The following EXOC6B variants were observed in gnomAD, a reference collection of about 807,000 sequenced individuals.
The protein encoded by EXOC6B is SEC15 homolog B.
A neutral mutation model predicts 113.5 loss-of-function variants in EXOC6B; 54 were observed. That is an observed-to-expected ratio of 0.48 (90% CI 0.38 to 0.60). The LOEUF is 0.60. Ranked by LOEUF, EXOC6B falls within the 20% of genes least tolerant of loss-of-function variation. The probability of loss-of-function intolerance (pLI) is 0.00; values close to 1 mark genes in which losing one functional copy is unlikely to be tolerated. For synonymous variants in EXOC6B, 357 were observed against 339.0 expected (o/e 1.05, Z -0.58); for missense variants, 797 against 977.5 (o/e 0.82, Z 2.46).
intron 20 of EXOC6B, among the ~76,000 whole-genome samples, chr2:72,262,929 AC>A (rs2104589540): frequency 6.6e-6 from 1 of 152,336 alleles, no homozygotes; most frequent in South Asian, 2.1e-4. Context: ...TAGACAATAA[AC>A]AAGCCACACT....
intron 17 of EXOC6B, among the ~76,000 whole-genome samples, chr2:72,473,624 T>C (rs1292968155): frequency 6.6e-6 from 1 of 152,106 alleles, no homozygotes; most frequent in African/African-American, 2.4e-5. Context: ...TTTTCATCCA[T>C]TCAACCAGTC....
At chr2:72,390,477 T>C (rs1018635864) in intron 18 of EXOC6B, among the ~76,000 whole-genome samples, 1 of 152,222 alleles carries the variant, frequency 6.6e-6, no homozygotes, top group Admixed American at 6.5e-5. Flanking sequence ...AATTTTTTAT[T>C]GAATACTGGA....
At chr2:72,806,715 A>T (rs1476277899) in intron 1 of EXOC6B, among the ~76,000 whole-genome samples, 1 of 143,378 alleles carries the variant, frequency 7.0e-6, no homozygotes, top group Non-Finnish European at 1.5e-5. Flanking sequence ...ACTTTTTAAT[A>T]ACAGCCAATC....
intron 19 of EXOC6B, among the ~76,000 whole-genome samples, chr2:72,373,518 A>G (rs1021795915): frequency 6.6e-6 from 1 of 152,244 alleles, no homozygotes; most frequent in Non-Finnish European, 1.5e-5. Context: ...CATACTATCC[A>G]TCTGGGAATT....
At chr2:72,432,817 T>C (rs1190976335) in intron 18 of EXOC6B, among the ~76,000 whole-genome samples, 1 of 152,208 alleles carries the variant, frequency 6.6e-6, no homozygotes, top group Non-Finnish European at 1.5e-5. Flanking sequence ...TAGCCCTTTG[T>C]CAGACGGATA....
At chr2:72,536,433 T>G (rs1184165161) in intron 8 of EXOC6B, among the ~76,000 whole-genome samples, 5 of 152,364 alleles carry the variant, frequency 3.3e-5, no homozygotes, top group Non-Finnish European at 7.3e-5. Flanking sequence ...TATAATTGTT[T>G]GCTATATGTT....
At chr2:72,601,294 T>G (rs1670424702) in intron 6 of EXOC6B, among the ~76,000 whole-genome samples, 1 of 152,066 alleles carries the variant, frequency 6.6e-6, no homozygotes, top group Admixed American at 6.6e-5. Context: ...ACCATTCTCC[T>G]GCCTCAGCCT....
chr2:72,296,792 G>GT (rs202147187), intron 20 of EXOC6B, among the ~76,000 whole-genome samples: 1 of 152,096 alleles, frequency 6.6e-6, no homozygotes. Context: ...ATGGTTTTCT[G>GT]TTTTTTTCCT....
chr2:72,502,827 C>G lies in EXOC6B; in HGVS notation c.1168-2855G>C, dbSNP rs186509258. ...TTTCTAAATCTCTATTAGATACAACCAAAAGTCTACACCAACTATTCTTGT... is the reference window on the plus strand; with the variant it reads ...TTTCTAAATCTCTATTAGATACAACGAAAAGTCTACACCAACTATTCTTGT... On this transcript the variant is annotated intron_variant, in intron 11 of 21. Transcript: ENST00000272427. 2.0e-4 allele frequency among the ~76,000 whole-genome samples: 31 copies of G among 152,198 alleles called. 1 individual carries two copies. The highest frequency in any genetic ancestry group is 3.4e-3 in the Middle Eastern group (1 of 294).
At chr2:72,316,822 G>A (rs80054052) in intron 20 of EXOC6B, among the ~76,000 whole-genome samples, 1 of 152,160 alleles carries the variant, frequency 6.6e-6, no homozygotes, top group Non-Finnish European at 1.5e-5. Flanking sequence ...GGACCCAAAG[G>A]GGGGACAATT....
At chr2:72,197,031 G>T (rs1037071075) in intron 20 of EXOC6B, among the ~76,000 whole-genome samples, 2 of 152,144 alleles carry the variant, frequency 1.3e-5, no homozygotes, top group African/African-American at 4.8e-5. Context: ...AAACAGAAGA[G>T]AATGAAGGGA....
chr2:72,673,354 A>C (rs1040192139), intron 6 of EXOC6B, among the ~76,000 whole-genome samples: 1 of 152,220 alleles, frequency 6.6e-6, no homozygotes, highest in African/African-American at 2.4e-5. Context: ...TATGATTGAC[A>C]ATAACCTGCC....
At position 72,416,496 on chromosome 2, in the gene EXOC6B, GA is replaced by G. The variant is rs1303510603; in HGVS notation, c.1981-36627del. 1.1e-4 allele frequency among the ~76,000 whole-genome samples: 17 copies of G among 152,316 alleles called. No homozygotes were observed. The Middle Eastern group carries it at 0.01, about 91-fold the overall frequency. On this transcript the variant is annotated intron_variant, in intron 18 of 21. Coordinates refer to ENST00000272427, the MANE Select transcript of EXOC6B (RefSeq NM_015189.3). ...CTTGCACATATCTCCAAATTGGAAAGAGGACAAATGGGAAACACAGCAGCCA... is the reference window on the plus strand; with the variant it reads ...CTTGCACATATCTCCAAATTGGAAAGGGACAAATGGGAAACACAGCAGCCA...
At chr2:72,480,217 T>C (rs998687405) in intron 17 of EXOC6B, among the ~76,000 whole-genome samples, 2 of 151,046 alleles carry the variant, frequency 1.3e-5, no homozygotes, top group Non-Finnish European at 3.0e-5. Context: ...AAAAAAAAAA[T>C]TGGTCACAGG....
At chr2:72,454,146 C>T (rs546272090) in intron 18 of EXOC6B, among the ~76,000 whole-genome samples, 1 of 152,112 alleles carries the variant, frequency 6.6e-6, no homozygotes, top group East Asian at 1.9e-4. Context: ...AGAGCCAAAC[C>T]ATATCAGGTA....
At chr2:72,357,480 C>T (rs1302975660) in intron 19 of EXOC6B, among the ~76,000 whole-genome samples, 1 of 152,000 alleles carries the variant, frequency 6.6e-6, no homozygotes, top group African/African-American at 2.4e-5. Context: ...CATTTGAGGC[C>T]AGGAGTTTGA....
intron 6 of EXOC6B, among the ~76,000 whole-genome samples, chr2:72,690,692 T>C (rs1470570359): frequency 6.6e-6 from 1 of 152,194 alleles, no homozygotes; most frequent in African/African-American, 2.4e-5. Context: ...TCATGAAGTA[T>C]AGGCTTTCTT....
chr2:72,638,947 T>G (rs1348791441), intron 6 of EXOC6B, among the ~76,000 whole-genome samples: 1 of 152,132 alleles, frequency 6.6e-6, no homozygotes, highest in African/African-American at 2.4e-5. Flanking sequence ...CACGCCTCCT[T>G]GCAGGGCAAC....
intron 11 of EXOC6B, among the ~76,000 whole-genome samples, chr2:72,500,432 CAT>C (rs1700254154): frequency 6.6e-6 from 1 of 151,440 alleles, no homozygotes; most frequent in African/African-American, 2.4e-5. Flanking sequence ...GCCAATGAAC[CAT>C]AAGTAAATGA....
Sources: gnomAD v4.1 joint callset for allele counts (sites outside exome capture counted in the v4.1 genomes callset) on GRCh38, gnomAD v4.1.1 for gene constraint, MANE v1.5 for transcripts, NCBI Gene and HGNC (gene_info 2026-07-23, HGNC 2026-07-21) for gene names.